Variants in TCF4 observed in about 807,000 individuals in gnomAD.
TCF4 encodes the protein SL3-3 enhancer factor 2.
Under a neutral mutation model 82.1 loss-of-function variants are expected in TCF4, and 3 were observed. The ratio of observed to expected loss-of-function variants is 0.04; its 90% CI spans 0.02 to 0.09. The LOEUF (loss-of-function observed/expected upper bound fraction) is 0.09. Ranked by LOEUF, TCF4 falls within the 10% of genes least tolerant of loss-of-function variation. TCF4 has a pLI of 1.00. For synonymous variants in TCF4, 276 were observed against 309.6 expected, an observed-to-expected ratio of 0.89 and a Z score of 1.14; for missense variants, 518 against 852.7, an observed-to-expected ratio of 0.61 and a Z score of 4.89.
At chr18:55,430,857 T>A (rs934709296) in intron 5 of TCF4, among the ~76,000 whole-genome samples, 6 of 152,164 alleles carry the variant, frequency 3.9e-5, no homozygotes, top group African/African-American at 1.4e-4. Context: ...TATTGACACA[T>A]AGGCCTGAAG....
chr18:55,244,228 C>T (rs757205411), intron 15 of TCF4, among the ~76,000 whole-genome samples: 22 of 152,122 alleles, frequency 1.4e-4, no homozygotes, highest in Admixed American at 4.6e-4. Context: ...CAGACTGCTT[C>T]GGTACGGGTC....
intron 15 of TCF4, among the ~76,000 whole-genome samples, chr18:55,249,181 C>T (rs1288202419): frequency 6.6e-6 from 1 of 152,124 alleles, no homozygotes; most frequent in Admixed American, 6.5e-5. Context: ...GTGGTCTGAG[C>T]TCTTAACTAT....
intron 6 of TCF4, among the ~76,000 whole-genome samples, chr18:55,368,924 G>A (rs968028034): frequency 5.9e-5 from 9 of 152,184 alleles, no homozygotes; most frequent in Non-Finnish European, 1.2e-4. Flanking sequence ...CTTGCTAGCT[G>A]TGATATGGCA....
chr18:55,293,521 T>C (rs1008201380), intron 8 of TCF4, among the ~76,000 whole-genome samples: 4 of 152,180 alleles, frequency 2.6e-5, no homozygotes, highest in Admixed American at 2.0e-4. Flanking sequence ...TAATGTGCTC[T>C]ACAGAGCAGG....
intron 3 of TCF4, among the ~76,000 whole-genome samples, chr18:55,577,213 A>ATATATACATTTATATATTTACAT (rs1568443765): frequency 5.6e-5 from 1 of 17,836 alleles, no homozygotes; most frequent in Non-Finnish European, 9.9e-5. Context: ...TATTTATATA[A>ATATATACATTTATATATTTACAT]ATGTATATAT....
At chr18:55,299,801 T>G (rs966264463) in intron 8 of TCF4, among the ~76,000 whole-genome samples, 2 of 152,122 alleles carry the variant, frequency 1.3e-5, no homozygotes, top group Non-Finnish European at 2.9e-5. Flanking sequence ...CCTTGGCATA[T>G]TCACAGATGC....
intron 8 of TCF4, among the ~76,000 whole-genome samples, chr18:55,335,525 C>T (rs2078446183): frequency 6.6e-6 from 1 of 151,990 alleles, no homozygotes; most frequent in Non-Finnish European, 1.5e-5. Context: ...TGCAGGCATT[C>T]AAAAATAAAG....
chr18:55,418,090 C>T (rs949187280), intron 5 of TCF4, among the ~76,000 whole-genome samples: 5 of 150,018 alleles, frequency 3.3e-5, no homozygotes, highest in African/African-American at 9.8e-5. Flanking sequence ...TAATGATTAT[C>T]GTTTAAGTAT....
intron 8 of TCF4, among the ~76,000 whole-genome samples, chr18:55,295,853 T>C (rs1211719616): frequency 6.6e-6 from 1 of 152,162 alleles, no homozygotes; most frequent in Admixed American, 6.5e-5. Flanking sequence ...TCCTTGCACT[T>C]CACTTCCTCT....
chr18:55,350,920 A>G lies in TCF4; in HGVS notation c.453T>C (p.Tyr151=). The G allele has an allele frequency of 6.2e-7, 1 of 1,613,614 alleles. No individual in the cohort carries two copies. Among genetic ancestry groups the G allele is most frequent in the East Asian group, 2.2e-5 (1 of 44,876 alleles). The change falls in exon 7 of 20, where the codon TAT becomes TAC. Residue 151 remains tyrosine, a synonymous_variant. Coordinates refer to ENST00000354452, the MANE Select transcript of TCF4 (RefSeq NM_001083962.2). ...PTKPGSQYYQ[Y]SSNNPRRRPL... The stretch of plus-strand genomic sequence containing the variant: ...GCCTCCTTCGGGGATTATTGCTAGA[A>G]TACTGATAGTACTGGGAACCAGGTT...
chr18:55,282,453 T>C (rs752711956), intron 8 of TCF4, among the ~76,000 whole-genome samples: 47 of 152,112 alleles, frequency 3.1e-4, no homozygotes, highest in Non-Finnish European at 5.3e-4. Context: ...ACCAGTGAAC[T>C]GCTTCATTAC....
At chr18:55,292,696 ATG>A (rs35399017) in intron 8 of TCF4, among the ~76,000 whole-genome samples, 41 of 151,168 alleles carry the variant, frequency 2.7e-4, no homozygotes, top group South Asian at 1.2e-3. Flanking sequence ...ATAGACATGA[ATG>A]TGTGTGTGTG....
chr18:55,629,704 T>C (rs2097729818), intron 2 of TCF4, among the ~76,000 whole-genome samples: 1 of 152,174 alleles, frequency 6.6e-6, no homozygotes, highest in African/African-American at 2.4e-5. Context: ...AAGCTGTTCT[T>C]CGTAGAAGTA....
intron 8 of TCF4, among the ~76,000 whole-genome samples, chr18:55,331,654 G>C (rs1213978466): frequency 6.6e-6 from 1 of 152,160 alleles, no homozygotes; most frequent in African/African-American, 2.4e-5. Flanking sequence ...GGGAAAATGA[G>C]CATATTACTA....
intron 3 of TCF4, among the ~76,000 whole-genome samples, chr18:55,506,873 T>A (rs2096767193): frequency 6.6e-6 from 1 of 151,604 alleles, no homozygotes; most frequent in South Asian, 2.1e-4. Context: ...TTTTCTTTTT[T>A]TTTTTTTGAG....
chr18:55,593,324 A>C (rs2097687657), upstream of TCF4, among the ~76,000 whole-genome samples: 1 of 152,234 alleles, frequency 6.6e-6, no homozygotes, highest in Admixed American at 6.5e-5. Context: ...CAAATGAGAT[A>C]ATGTAAATGA....
intron 3 of TCF4, among the ~76,000 whole-genome samples, chr18:55,514,405 GCA>G (rs74182104): frequency 0.54 from 69,888 of 129,984 alleles, 17,065 homozygotes; most frequent in Admixed American, 0.61. Flanking sequence ...ATCTATCCAT[GCA>G]CACACACACA....
chr18:55,426,198 G>C (rs1301273811), intron 5 of TCF4, among the ~76,000 whole-genome samples: 2 of 151,672 alleles, frequency 1.3e-5, no homozygotes, highest in African/African-American at 4.9e-5. Context: ...AGGATATGGG[G>C]TATAAATAAT....
At chr18:55,270,512 T>C (rs1190220670) in intron 10 of TCF4, among the ~76,000 whole-genome samples, 1 of 152,160 alleles carries the variant, frequency 6.6e-6, no homozygotes, top group Non-Finnish European at 1.5e-5. Flanking sequence ...AAAGCACTAA[T>C]GGTTAAATAT....
Sources: allele counts gnomAD v4.1 joint callset (sites outside exome capture counted in the v4.1 genomes callset), GRCh38; gene constraint gnomAD v4.1.1; transcripts MANE v1.5; gene names NCBI Gene and HGNC (gene_info 2026-07-23, HGNC 2026-07-21).